Variants in STPG4 observed in about 807,000 individuals in gnomAD.
The protein encoded by STPG4 is sperm-tail PG-rich repeat containing 4.
A neutral mutation model predicts 31.5 loss-of-function variants in STPG4; 41 were observed. The ratio of observed to expected loss-of-function variants is 1.30; its 90% CI spans 1.01 to 1.69. The LOEUF (loss-of-function observed/expected upper bound fraction) is 1.69, where lower values mean the gene tolerates loss of function less well. Ranked by LOEUF, STPG4 falls within the 40% of genes most tolerant of loss-of-function variation. The probability of loss-of-function intolerance (pLI) is 0.00; values close to 1 mark genes in which losing one functional copy is unlikely to be tolerated. For synonymous variants in STPG4, 141 were observed against 103.0 expected, an observed-to-expected ratio of 1.37 and a Z score of -2.24; for missense variants, 375 against 293.4, an observed-to-expected ratio of 1.28 and a Z score of -2.03.
At chr2:47,100,954 C>G (rs1238248804) in intron 5 of STPG4, among the ~76,000 whole-genome samples, 1 of 151,862 alleles carries the variant, frequency 6.6e-6, no homozygotes, top group African/African-American at 2.4e-5. Context: ...CTCAGTGAGA[C>G]CAAGAACCCA....
chr2:47,149,691 T>G (rs1306527393), intron 3 of STPG4, among the ~76,000 whole-genome samples: 1 of 152,386 alleles, frequency 6.6e-6, no homozygotes, highest in Non-Finnish European at 1.5e-5. Context: ...AATACATTTC[T>G]CTCAGGTTAT....
intron 1 of STPG4, 27 bp downstream of exon 1, chr2:47,155,144 A>C (rs1310772552): frequency 6.2e-7 from 1 of 1,608,996 alleles, no homozygotes; most frequent in Non-Finnish European, 8.5e-7. Context: ...AGCAGGAGCC[A>C]GGCCGGCAAG....
chr2:47,152,950 T>C lies in STPG4; in HGVS notation c.141+7A>G, dbSNP rs1174619958. ...TGTGAATAGGAAAGACTGAACAATG[T>C]ACATACTGTTAATGCTATTCTCCAC... On this transcript the variant is annotated splice_region_variant and intron_variant, in intron 2 of 6. Transcript: ENST00000445927. The C allele has an allele frequency of 5.0e-6, 8 of 1,597,088 alleles. No individual in the cohort carries two copies. Among genetic ancestry groups the C allele is most frequent in the Non-Finnish European group, 6.9e-6 (8 of 1,167,824 alleles).
chr2:47,124,416 C>G (rs1216037583), intron 5 of STPG4, among the ~76,000 whole-genome samples: 1 of 152,124 alleles, frequency 6.6e-6, no homozygotes, highest in Non-Finnish European at 1.5e-5. Context: ...TCTCCATCCT[C>G]CACTACCCTT....
At position 47,130,287 on chromosome 2, in the gene STPG4, T is replaced by C. The variant is rs114423758; in HGVS notation, c.400-27A>G. On this transcript the variant is annotated intron_variant, in intron 3 of 6. Transcript: ENST00000445927. ...TGCACAGAATGGACAAGGACACCAATAGATTAATAGAGGTTGTAAACTCAC... is the reference window on the plus strand; with the variant it reads ...TGCACAGAATGGACAAGGACACCAACAGATTAATAGAGGTTGTAAACTCAC... 2,744 of 1,588,612 alleles carry C rather than the reference T, an allele frequency of 1.7e-3. 16 individuals are homozygous for C. The highest frequency in any genetic ancestry group is 0.016 in the African/African-American group (1,165 of 74,400).
At chr2:47,104,636 G>C (rs1685867556) in intron 5 of STPG4, among the ~76,000 whole-genome samples, 1 of 151,936 alleles carries the variant, frequency 6.6e-6, no homozygotes, top group Non-Finnish European at 1.5e-5. Flanking sequence ...TTTAGGGATA[G>C]CCCTCATCTG....
chr2:47,113,100 T>C (rs1367476037), intron 5 of STPG4, among the ~76,000 whole-genome samples: 1 of 151,760 alleles, frequency 6.6e-6, no homozygotes, highest in African/African-American at 2.4e-5. Context: ...AAGGGAAAGA[T>C]ACATAGATCT....
intron 3 of STPG4, among the ~76,000 whole-genome samples, chr2:47,143,448 G>A (rs554577332): frequency 6.6e-6 from 1 of 151,004 alleles, no homozygotes; most frequent in Admixed American, 6.6e-5. Flanking sequence ...TTAGTAATTG[G>A]TGTGTCTCTT....
intron 5 of STPG4, chr2:47,120,903 C>CAT (rs1686259998): frequency 6.6e-6 from 1 of 152,168 alleles, no homozygotes; most frequent in Non-Finnish European, 1.5e-5. Flanking sequence ...CCCCGCAACA[C>CAT]ACAACTATAC....
At chr2:47,102,989 G>A (rs970887843) in intron 5 of STPG4, among the ~76,000 whole-genome samples, 1 of 151,896 alleles carries the variant, frequency 6.6e-6, no homozygotes, top group Non-Finnish European at 1.5e-5. Flanking sequence ...TGAAAAGAAT[G>A]CAGCTTTAGC....
intron 5 of STPG4, among the ~76,000 whole-genome samples, chr2:47,125,519 A>G (rs1449499618): frequency 6.6e-6 from 1 of 152,144 alleles, no homozygotes; most frequent in Non-Finnish European, 1.5e-5. Context: ...ATTGTCCCCC[A>G]TTATGTGGGT....
intron 6 of STPG4, among the ~76,000 whole-genome samples, chr2:47,089,890 T>G (rs1180844664): frequency 6.6e-6 from 1 of 152,192 alleles, no homozygotes; most frequent in African/African-American, 2.4e-5. Context: ...TTTGCTTCCT[T>G]GGGCTCCCAG....
intron 1 of STPG4, among the ~76,000 whole-genome samples, chr2:47,153,911 C>A (rs1055944856): frequency 6.6e-6 from 1 of 152,134 alleles, no homozygotes; most frequent in African/African-American, 2.4e-5. Context: ...CCTCAGTTTC[C>A]AAGGAAGCTT....
intron 5 of STPG4, among the ~76,000 whole-genome samples, chr2:47,120,624 A>G (rs1278289701): frequency 2.0e-5 from 3 of 151,892 alleles, no homozygotes; most frequent in African/African-American, 4.8e-5. Context: ...TTTGACATCT[A>G]TGGACCTGGC....
At chr2:47,105,240 C>A (rs969595590) in intron 5 of STPG4, among the ~76,000 whole-genome samples, 1 of 151,886 alleles carries the variant, frequency 6.6e-6, no homozygotes, top group Non-Finnish European at 1.5e-5. Context: ...CGGTGGCATA[C>A]CTAAGTAAGG....
chr2:47,114,410 G>C (rs911956895), intron 5 of STPG4, among the ~76,000 whole-genome samples: 1 of 151,942 alleles, frequency 6.6e-6, no homozygotes, highest in Non-Finnish European at 1.5e-5. Flanking sequence ...GGGATGTTGA[G>C]GCAAGAGAAT....
chr2:47,087,002 A>T lies in STPG4; in HGVS notation c.*6T>A. ...CCTCAAAGTAGAGCTTGGTGCCAAG[A>T]TCACTTTATTTTAAAAGCCAATTGT... On this transcript the variant is annotated 3_prime_UTR_variant, in exon 7 of 7. Transcript: ENST00000445927. The T allele has an allele frequency of 6.4e-7, 1 of 1,551,658 alleles. No homozygotes were observed. Among genetic ancestry groups the T allele is most frequent in the South Asian group, 1.2e-5 (1 of 84,060 alleles).
At chr2:47,151,175 G>GATAT in intron 3 of STPG4, 83 bp downstream of exon 3, 1 of 1,497,260 alleles carries the variant, frequency 6.7e-7, no homozygotes, top group Admixed American at 2.1e-5. Flanking sequence ...CCTGGGGGAA[G>GATAT]ATATACTCTA....
chr2:47,129,585 C>G (rs878985981), intron 5 of STPG4: 1 of 216,762 alleles, frequency 4.6e-6, no homozygotes, highest in Non-Finnish European at 9.2e-6. Context: ...CGTGCAAAGT[C>G]CCCCCGTCAC....
Sources: gnomAD v4.1 joint callset for allele counts (sites outside exome capture counted in the v4.1 genomes callset) on GRCh38, gnomAD v4.1.1 for gene constraint, MANE v1.5 for transcripts, NCBI Gene and HGNC (gene_info 2026-07-23, HGNC 2026-07-21) for gene names.